Variants in ACOT7 observed in about 807,000 individuals in gnomAD.
ACOT7 encodes the protein cytosolic acyl coenzyme A thioester hydrolase.
A neutral mutation model predicts 40.2 loss-of-function variants in ACOT7; 12 were observed. The ratio of observed to expected loss-of-function variants is 0.30; its 90% CI spans 0.19 to 0.48. The LOEUF (loss-of-function observed/expected upper bound fraction) is 0.48. Among genes scored for constraint, ACOT7 ranks in the 20% least tolerant of loss-of-function variants. The pLI is 0.99. For missense variants in ACOT7, 395 were observed against 530.8 expected (o/e 0.74, Z 2.51); for synonymous variants, 228 against 219.5 (o/e 1.04, Z -0.34).
intron 7 of ACOT7, among the ~76,000 whole-genome samples, chr1:6,290,105 G>C (rs2148389962): frequency 6.6e-6 from 1 of 152,274 alleles, no homozygotes; most frequent in Non-Finnish European, 1.5e-5. Context: ...ATGGGATGCT[G>C]TTAGGAGAGG....
At chr1:6,315,349 C>T (rs1640460072) in intron 6 of ACOT7, among the ~76,000 whole-genome samples, 1 of 152,186 alleles carries the variant, frequency 6.6e-6, no homozygotes, top group Non-Finnish European at 1.5e-5. Flanking sequence ...TTTTAGATGC[C>T]ATTCTTGCCA....
At chr1:6,309,914 G>A (rs965052175) in intron 6 of ACOT7, among the ~76,000 whole-genome samples, 1 of 152,222 alleles carries the variant, frequency 6.6e-6, no homozygotes, top group African/African-American at 2.4e-5. Context: ...TGCCTCCCAT[G>A]TGCTGCCTTC....
chr1:6,325,886 G>A (rs1369327705), intron 5 of ACOT7, among the ~76,000 whole-genome samples: 3 of 152,174 alleles, frequency 2.0e-5, no homozygotes, highest in Non-Finnish European at 2.9e-5. Context: ...GGCGCCTCTC[G>A]GCAGGGCTAG....
chr1:6,373,928 G>C (rs572168499), intron 1 of ACOT7, among the ~76,000 whole-genome samples: 2 of 151,426 alleles, frequency 1.3e-5, no homozygotes, highest in East Asian at 3.9e-4. Context: ...TCTGTACCTA[G>C]GTCAAAACTG....
In ACOT7 at chr1:6,359,548, C is replaced by T. The variant is rs1429481400; in HGVS notation, c.144-9682G>A. Among the ~76,000 whole-genome samples the T allele has an allele frequency of 2.0e-5, 3 of 152,064 alleles. No homozygotes were observed. Among genetic ancestry groups the T allele is most frequent in the Non-Finnish European group, 4.4e-5 (3 of 67,990 alleles). ...CTCCACTACCCTTCCTCCACTCCCG[C>T]GGGCTCTTAGGCTGCCGGCTGCCAC... On this transcript the variant is annotated intron_variant, in intron 1 of 8. Coordinates refer to ENST00000361521, the MANE Select transcript of ACOT7 (RefSeq NM_007274.4). The surrounding 1 kb of genome is among the most constrained non-coding windows in gnomAD (Gnocchi z 4.1).
At chr1:6,332,313 CG>C (rs1640977535) in intron 4 of ACOT7, among the ~76,000 whole-genome samples, 2 of 152,204 alleles carry the variant, frequency 1.3e-5, no homozygotes, top group South Asian at 4.1e-4. Context: ...GGTCAGGCTG[CG>C]GGAGGAGCTG....
chr1:6,323,765 T>G (rs1422199785), intron 5 of ACOT7, among the ~76,000 whole-genome samples: 1 of 130,400 alleles, frequency 7.7e-6, no homozygotes, highest in African/African-American at 3.0e-5. Flanking sequence ...TATATATATA[T>G]ATATAGACAA....
chr1:6,387,927 GTTCT>G (rs764399341), intron 1 of ACOT7, among the ~76,000 whole-genome samples: 25 of 147,326 alleles, frequency 1.7e-4, no homozygotes, highest in Non-Finnish European at 2.7e-4. Context: ...TGTAAATCAG[GTTCT>G]TTGTTTTTTT....
At chr1:6,290,601 G>T (rs1201645686) in intron 7 of ACOT7, among the ~76,000 whole-genome samples, 2 of 152,308 alleles carry the variant, frequency 1.3e-5, no homozygotes, top group Non-Finnish European at 2.9e-5. Context: ...TTGACTTAAG[G>T]TTAATACTAA....
chr1:6,287,089 C>G (rs35587207), intron 7 of ACOT7, among the ~76,000 whole-genome samples: 1 of 152,208 alleles, frequency 6.6e-6, no homozygotes. Flanking sequence ...CCCAGCTTAA[C>G]GATGCATTTT....
chr1:6,379,919 A>T (rs1395176380), intron 1 of ACOT7, among the ~76,000 whole-genome samples: 1 of 151,492 alleles, frequency 6.6e-6, no homozygotes, highest in Non-Finnish European at 1.5e-5. Flanking sequence ...TACAAAAATT[A>T]GCCAGGTGTG....
chr1:6,358,888 G>A lies in ACOT7; in HGVS notation c.144-9022C>T. On this transcript the variant is annotated intron_variant, in intron 1 of 8. Transcript: ENST00000361521. This position sits in a 1 kb window ranked among gnomAD's most constrained non-coding sequence, Gnocchi z 4.1. ...AGGATCAGATGCAGAGAAAGGCGAG[G>A]GAGCAGGGAAGCATCACAGAGTCCT... The A allele has an allele frequency of 6.2e-7, 1 of 1,612,214 alleles. No individual in the cohort carries two copies. Among genetic ancestry groups the A allele is most frequent in the South Asian group, 1.1e-5 (1 of 90,770 alleles).
rs942747438 is a variant in ACOT7, at chr1:6,359,499, C to T, written c.144-9633G>A. 3.3e-5 allele frequency among the ~76,000 whole-genome samples: 5 copies of T among 152,074 alleles called. No individual in the cohort carries two copies. Among genetic ancestry groups the T allele is most frequent in the African/African-American group, 1.2e-4 (5 of 41,488 alleles). ...CCCCAACCCCTGCTTCAGAGGATGCCATGCCTGTCTTGGGGCTCAGCAACT... is the reference window on the plus strand; with the variant it reads ...CCCCAACCCCTGCTTCAGAGGATGCTATGCCTGTCTTGGGGCTCAGCAACT... On this transcript the variant is annotated intron_variant, in intron 1 of 8. Coordinates refer to ENST00000361521, the MANE Select transcript of ACOT7 (RefSeq NM_007274.4). The surrounding 1 kb of genome is among the most constrained non-coding windows in gnomAD (Gnocchi z 4.1).
At chr1:6,307,863 A>AACGGGCAGAGGGAACCACAG (rs1640203869) in intron 6 of ACOT7, among the ~76,000 whole-genome samples, 1 of 150,716 alleles carries the variant, frequency 6.6e-6, no homozygotes, top group Non-Finnish European at 1.5e-5. Flanking sequence ...GGGAACCACA[A>AACGGGCAGAGGGAACCACAG]ACAGGCAGAG....
intron 7 of ACOT7, among the ~76,000 whole-genome samples, chr1:6,286,343 G>A (rs951264122): frequency 6.6e-6 from 1 of 152,184 alleles, no homozygotes; most frequent in Non-Finnish European, 1.5e-5. Context: ...GAAGGGGAGC[G>A]CCTGGTCCTC....
chr1:6,375,790 T>C (rs1215161710), intron 1 of ACOT7, among the ~76,000 whole-genome samples: 1 of 150,528 alleles, frequency 6.6e-6, no homozygotes, highest in African/African-American at 2.4e-5. Flanking sequence ...CAAAAAAAAT[T>C]AGCCGGGCGT....
At chr1:6,269,811 C>T (rs1026231253) in intron 8 of ACOT7, among the ~76,000 whole-genome samples, 2 of 152,258 alleles carry the variant, frequency 1.3e-5, no homozygotes, top group African/African-American at 4.8e-5. Context: ...ATGTTCCAGG[C>T]TCTGAGACAG....
rs1280336004 is a variant in ACOT7, at chr1:6,275,312, A to G, written c.1014+5790T>C. Among the ~76,000 whole-genome samples, 3 of 152,214 alleles carry G rather than the reference A, an allele frequency of 2.0e-5. No individual in the cohort carries two copies. Among genetic ancestry groups the G allele is most frequent in the Non-Finnish European group, 4.4e-5 (3 of 68,034 alleles). On this transcript the variant is annotated intron_variant, in intron 8 of 8. Coordinates refer to ENST00000361521, the MANE Select transcript of ACOT7 (RefSeq NM_007274.4). The surrounding 1 kb of genome is among the most constrained non-coding windows in gnomAD (Gnocchi z 5.6). ...GGCTCCCTCAACCTGAAGGAGCCCAAGGGTCTCAGGGCCTCTTCTAGGTCG... is the reference window on the plus strand; with the variant it reads ...GGCTCCCTCAACCTGAAGGAGCCCAGGGGTCTCAGGGCCTCTTCTAGGTCG...
At chr1:6,385,161 T>TG (rs1642413556) in intron 1 of ACOT7, among the ~76,000 whole-genome samples, 1 of 151,894 alleles carries the variant, frequency 6.6e-6, no homozygotes, top group Admixed American at 6.5e-5. Flanking sequence ...AGGGCACGGA[T>TG]GCCAGCTGCC....
Sources: allele counts gnomAD v4.1 joint callset (sites outside exome capture counted in the v4.1 genomes callset), GRCh38; gene constraint gnomAD v4.1.1; non-coding constraint Gnocchi (gnomAD v3.1); transcripts MANE v1.5; gene names NCBI Gene and HGNC (gene_info 2026-07-23, HGNC 2026-07-21).